The following NRCAM variants were observed in gnomAD, a reference collection of about 807,000 sequenced individuals.
The protein encoded by NRCAM is NgCAM-related cell adhesion molecule.
A neutral mutation model predicts 156.5 loss-of-function variants in NRCAM; 83 were observed. The observed-to-expected ratio is 0.53, with a 90% CI of 0.44 to 0.64. NRCAM has a LOEUF of 0.64. Ranked by LOEUF, NRCAM falls within the 30% of genes least tolerant of loss-of-function variation. The pLI, the probability that NRCAM is intolerant of heterozygous loss-of-function variation, is 0.00. For missense variants in NRCAM, 1,417 were observed against 1,597.3 expected (o/e 0.89, Z 1.92); for synonymous variants, 538 against 563.9 (o/e 0.95, Z 0.65).
At chr7:108,413,252 G>T (rs1001807012) in intron 1 of NRCAM, among the ~76,000 whole-genome samples, 13 of 151,950 alleles carry the variant, frequency 8.6e-5, no homozygotes, top group African/African-American at 3.1e-4. Context: ...ATCTCACTGT[G>T]GTTTTAATTT....
intron 2 of NRCAM, among the ~76,000 whole-genome samples, chr7:108,382,705 A>G (rs2099707149): frequency 6.6e-6 from 1 of 152,192 alleles, no homozygotes; most frequent in South Asian, 2.1e-4. Context: ...GAGTCTCCAG[A>G]TTAAGCAAGG....
At chr7:108,233,271 T>C (rs777209562) in intron 6 of NRCAM, among the ~76,000 whole-genome samples, 7 of 152,038 alleles carry the variant, frequency 4.6e-5, no homozygotes, top group Non-Finnish European at 1.0e-4. Context: ...CATACAAAGG[T>C]ACGAATCTCT....
chr7:108,227,486 T>C (rs914924577), intron 8 of NRCAM, among the ~76,000 whole-genome samples: 1 of 152,224 alleles, frequency 6.6e-6, no homozygotes, highest in Non-Finnish European at 1.5e-5. Flanking sequence ...TCCTCTCTTC[T>C]AGCTATTTGA....
intron 11 of NRCAM, among the ~76,000 whole-genome samples, chr7:108,222,578 A>C (rs2092614226): frequency 6.6e-6 from 1 of 152,096 alleles, no homozygotes; most frequent in Non-Finnish European, 1.5e-5. Flanking sequence ...AGCAGAAGAT[A>C]TAGGGTTTTA....
At chr7:108,214,129 T>TACCCTCTTTTTCC (rs1293284127) in intron 11 of NRCAM, among the ~76,000 whole-genome samples, 1 of 152,220 alleles carries the variant, frequency 6.6e-6, no homozygotes, top group Non-Finnish European at 1.5e-5. Flanking sequence ...TTAGGGAGGA[T>TACCCTCTTTTTCC]ACCCTCTTTT....
At chr7:108,450,493 G>A (rs1210173593) in intron 1 of NRCAM, among the ~76,000 whole-genome samples, 1 of 151,924 alleles carries the variant, frequency 6.6e-6, no homozygotes, top group East Asian at 1.9e-4. Flanking sequence ...GCCCAATGTG[G>A]AACTATAATT....
chr7:108,399,161 G>T (rs989484252), intron 2 of NRCAM, among the ~76,000 whole-genome samples: 1 of 131,616 alleles, frequency 7.6e-6, no homozygotes, highest in African/African-American at 2.8e-5. Context: ...TTTAAAAGGG[G>T]TGTGTGTGTT....
At chr7:108,338,620 A>C (rs1228535535) in intron 2 of NRCAM, among the ~76,000 whole-genome samples, 1 of 86,902 alleles carries the variant, frequency 1.2e-5, no homozygotes, top group Non-Finnish European at 3.0e-5. Context: ...GAGGAGAGAG[A>C]CACAGAGAGG....
intron 32 of NRCAM, among the ~76,000 whole-genome samples, chr7:108,158,072 A>C (rs947375613): frequency 6.6e-6 from 1 of 152,130 alleles, no homozygotes; most frequent in African/African-American, 2.4e-5. Flanking sequence ...TATTTCAGCA[A>C]AGTTCTACTC....
chr7:108,403,905 T>C (rs1012302070), intron 1 of NRCAM, among the ~76,000 whole-genome samples: 2 of 152,212 alleles, frequency 1.3e-5, no homozygotes, highest in Non-Finnish European at 2.9e-5. Context: ...CAACTGCTTT[T>C]GTCTAATTTA....
In NRCAM at chr7:108,147,649, A is replaced by G. The variant is rs1369710361; in HGVS notation, c.*2261T>C. The G allele has an allele frequency of 6.6e-6, 1 of 152,286 alleles. No individual in the cohort carries two copies. Among genetic ancestry groups the G allele is most frequent in the Non-Finnish European group, 1.5e-5 (1 of 68,032 alleles). The allele number at this position is 152,286 out of a possible 1,614,324, so 9.4% of individuals were successfully genotyped here. Reference sequence around the variant, plus strand: ...ATGTTTGAAAAAGTTAAAAGTCACAAAGAGATCAAGACTGTTTAATAGTTA... The same window carrying G: ...ATGTTTGAAAAAGTTAAAAGTCACAGAGAGATCAAGACTGTTTAATAGTTA... On this transcript the variant is annotated 3_prime_UTR_variant, in exon 33 of 33. Coordinates refer to ENST00000379028, the MANE Select transcript of NRCAM (RefSeq NM_001037132.4).
chr7:108,180,402 G>A lies in NRCAM; in HGVS notation c.2672C>T (p.Ser891Leu). Residue 891 changes from serine to leucine, a missense_variant, in exon 25 of 33, where the codon TCA becomes TTA. This residue lies in a region of NRCAM where 1,238 missense variants were observed against 1,336.4 expected (regional missense o/e 0.93). Coordinates refer to ENST00000379028, the MANE Select transcript of NRCAM (RefSeq NM_001037132.4). The stretch of plus-strand genomic sequence containing the variant: ...AATGTGACGTCTGTTTCTTTTAGAT[G>A]AACTCTGGGTCTTCCAATAGTAAAT... The part of the protein sequence containing the change: ...YRIYYWKTQS[S>L]SKRNRRHIEK... 1 of 1,614,154 alleles carries A rather than the reference G, an allele frequency of 6.2e-7. No homozygotes were observed. Among genetic ancestry groups the A allele is most frequent in the East Asian group, 2.2e-5 (1 of 44,884 alleles).
chr7:108,156,253 T>C (rs2045397347), intron 32 of NRCAM: 1 of 979,160 alleles, frequency 1.0e-6, no homozygotes, highest in Admixed American at 6.2e-5. Flanking sequence ...TTCACATGAA[T>C]GACAAGATTC....
At chr7:108,155,701 T>G (rs1258268448) in intron 32 of NRCAM, among the ~76,000 whole-genome samples, 1 of 152,106 alleles carries the variant, frequency 6.6e-6, no homozygotes, top group Non-Finnish European at 1.5e-5. Flanking sequence ...GGTTTGAATA[T>G]TCCCAAGGCC....
At chr7:108,412,672 T>C (rs935330824) in intron 1 of NRCAM, among the ~76,000 whole-genome samples, 6 of 152,176 alleles carry the variant, frequency 3.9e-5, no homozygotes, top group Non-Finnish European at 8.8e-5. Context: ...TTTTGTATCC[T>C]TTGACCAACA....
intron 3 of NRCAM, among the ~76,000 whole-genome samples, chr7:108,284,091 G>A (rs1297042569): frequency 6.6e-6 from 1 of 151,908 alleles, no homozygotes; most frequent in African/African-American, 2.4e-5. Context: ...CAAAGTGCTG[G>A]GATTACAGGT....
intron 3 of NRCAM, among the ~76,000 whole-genome samples, chr7:108,286,420 C>T (rs1370864488): frequency 1.3e-5 from 2 of 149,918 alleles, no homozygotes; most frequent in Non-Finnish European, 3.0e-5. Context: ...ACAATACTCA[C>T]TGGAATGAAC....
rs770074501 is a variant in NRCAM at position 108,177,948 on chromosome 7, T to TA, written c.2974+41dup. The stretch of plus-strand genomic sequence containing the variant: ...TTGTCAATTAAAATAATAAATAAAA[T>TA]AAAAAAACATATTTCCCCTTCTCTT... On this transcript the variant is annotated intron_variant, in intron 26 of 32. Transcript: ENST00000379028. The TA allele has an allele frequency of 4.5e-6, 7 of 1,548,568 alleles. No homozygotes were observed. The South Asian group carries it at 7.4e-5, about 16-fold the overall frequency.
chr7:108,278,416 C>A (rs1324900625), intron 3 of NRCAM, among the ~76,000 whole-genome samples: 1 of 152,226 alleles, frequency 6.6e-6, no homozygotes, highest in Non-Finnish European at 1.5e-5. Context: ...TTCCCTGCCA[C>A]TTTGTTTACA....
Sources: allele counts gnomAD v4.1 joint callset (sites outside exome capture counted in the v4.1 genomes callset), GRCh38; gene constraint gnomAD v4.1.1; regional missense constraint gnomAD v4.1.1; transcripts MANE v1.5; gene names NCBI Gene and HGNC (gene_info 2026-07-23, HGNC 2026-07-21).